The following MEDAG variants were observed in gnomAD, a reference collection of about 807,000 sequenced individuals.
MEDAG encodes the protein mesenteric estrogen dependent adipogenesis, also known as mesenteric estrogen-dependent adipogenesis protein.
Under a neutral mutation model 29.9 loss-of-function variants are expected in MEDAG, and 25 were observed. That is an observed-to-expected ratio of 0.84 (90% CI 0.61 to 1.17). The LOEUF (loss-of-function observed/expected upper bound fraction) is 1.17, where lower values mean the gene tolerates loss of function less well. MEDAG is among the 50% of genes most tolerant of loss of function. The probability of loss-of-function intolerance (pLI) is 0.00; values close to 1 mark genes in which losing one functional copy is unlikely to be tolerated. For synonymous variants in MEDAG, 158 were observed against 148.2 expected, an observed-to-expected ratio of 1.07 and a Z score of -0.48; for missense variants, 398 against 372.9, an observed-to-expected ratio of 1.07 and a Z score of -0.56.
chr13:30,910,332 GAATAAA>G (rs1253193270), intron 1 of MEDAG, among the ~76,000 whole-genome samples: 1 of 152,112 alleles, frequency 6.6e-6, no homozygotes, highest in Non-Finnish European at 1.5e-5. Flanking sequence ...GCTGCCTGGA[GAATAAA>G]AATAAATACA....
intron 1 of MEDAG, chr13:30,909,013 C>G (rs1952856092): frequency 6.7e-6 from 1 of 149,372 alleles, no homozygotes; most frequent in Non-Finnish European, 1.5e-5. Context: ...GCTCAGGAGG[C>G]CGAGGTGGGA....
intron 1 of MEDAG, among the ~76,000 whole-genome samples, chr13:30,915,173 G>A (rs913852036): frequency 2.0e-5 from 3 of 151,776 alleles, no homozygotes; most frequent in Middle Eastern, 6.8e-3. Context: ...CACCCCCCAC[G>A]TAACAACATA....
chr13:30,920,875 T>A (rs1240719526), intron 2 of MEDAG, 139 bp from the exon 3 acceptor site: 1 of 684,922 alleles, frequency 1.5e-6, no homozygotes, highest in Non-Finnish European at 2.5e-6. Flanking sequence ...TGTAGTAAGG[T>A]TGTGAGGGAG....
At position 30,925,417 on chromosome 13, in the gene MEDAG, T is replaced by C. The variant is rs1953032287; in HGVS notation, c.*982T>C. The C allele has an allele frequency of 6.6e-6, 1 of 152,224 alleles. No homozygotes were observed. Among genetic ancestry groups the C allele is most frequent in the South Asian group, 2.1e-4 (1 of 4,832 alleles). The allele number at this position is 152,224 out of a possible 1,614,324, so 9.4% of individuals were successfully genotyped here. ...GAGTTATGGGTCCTGAGTGTAATTT[T>C]TTATCCTTTCTTAAAAAGTTTCTGT... On this transcript the variant is annotated 3_prime_UTR_variant, in exon 5 of 5. Transcript: ENST00000380482.
At chr13:30,921,249 G>C in intron 3 of MEDAG, 123 bp downstream of exon 3, 1 of 784,066 alleles carries the variant, frequency 1.3e-6, no homozygotes, top group South Asian at 1.9e-5. Context: ...AGAAAACAAA[G>C]TGCATTCAGA....
intron 4 of MEDAG, 120 bp from the exon 5 acceptor site, chr13:30,924,191 G>A: frequency 9.5e-7 from 1 of 1,054,262 alleles, no homozygotes; most frequent in Non-Finnish European, 1.3e-6. Context: ...ATTTTTCTGA[G>A]GAAGCCAGGA....
At chr13:30,916,757 C>A (rs1952933358) in intron 1 of MEDAG, 1 of 152,262 alleles carries the variant, frequency 6.6e-6, no homozygotes. Context: ...ATGACAGAGT[C>A]AGGATTCAGA....
intron 4 of MEDAG, 149 bp downstream of exon 4, chr13:30,921,995 T>A: frequency 2.4e-6 from 2 of 825,622 alleles, no homozygotes; most frequent in East Asian, 5.6e-5. Flanking sequence ...AAGTGGGGCA[T>A]GTTTATTACC....
rs1953029606 is a variant in MEDAG at position 30,925,153 on chromosome 13, G to C, written c.*718G>C. 6.6e-6 allele frequency: 1 copy of C among 152,018 alleles called. No homozygotes were observed. 9.4% of individuals were successfully genotyped at this position (152,018 alleles called of 1,614,324 possible). A position where few individuals can be genotyped will look rare whatever the true frequency, so the allele number is the denominator to read the frequency against. On this transcript the variant is annotated 3_prime_UTR_variant, in exon 5 of 5. Transcript: ENST00000380482. ...GAGATATGGTACCGAACAATGACAG[G>C]GGAAGGGTATTGGACACGGCAGCGT... is the stretch of plus-strand genomic sequence containing the variant.
rs1195519200 is a variant in MEDAG, at chr13:30,925,466, T to C, written c.*1031T>C. 1 of 152,228 alleles carries C rather than the reference T, an allele frequency of 6.6e-6. No individual in the cohort carries two copies. The highest frequency in any genetic ancestry group is 2.4e-5 in the African/African-American group (1 of 41,448). The allele number at this position is 152,228 out of a possible 1,614,324, so 9.4% of individuals were successfully genotyped here. ...GTATTATGCATTTTGATAACACTAC[T>C]GATGATCCTTCCACTTATATTTGAA... On this transcript the variant is annotated 3_prime_UTR_variant, in exon 5 of 5. Coordinates refer to ENST00000380482, the MANE Select transcript of MEDAG (RefSeq NM_032849.4).
chr13:30,914,858 G>A (rs185367292), intron 1 of MEDAG, among the ~76,000 whole-genome samples: 2 of 152,202 alleles, frequency 1.3e-5, no homozygotes, highest in East Asian at 1.9e-4. Flanking sequence ...CAGATTTCTG[G>A]GTGCATTGTA....
chr13:30,919,432 C>T lies in MEDAG; in HGVS notation c.389-1582C>T, dbSNP rs115735828. Among the ~76,000 whole-genome samples the T allele has an allele frequency of 2.6e-3, 391 of 152,292 alleles. 3 individuals are homozygous for T. The highest frequency in any genetic ancestry group is 9.0e-3 in the African/African-American group (376 of 41,574). ...GAGTTAGGCAGTGTACAACCTGCCC[C>T]ATCAGCACAACTGTGGAGTGTTGTG... is the stretch of plus-strand genomic sequence containing the variant. On this transcript the variant is annotated intron_variant, in intron 2 of 4. Transcript: ENST00000380482.
At chr13:30,914,208 G>C (rs780240525) in intron 1 of MEDAG, among the ~76,000 whole-genome samples, 13 of 152,188 alleles carry the variant, frequency 8.5e-5, no homozygotes, top group Non-Finnish European at 1.6e-4. Flanking sequence ...TTTAGTGAAT[G>C]CTCACATTTA....
rs1344827941 is a variant in MEDAG, at chr13:30,906,512, G to A, written c.-4G>A. On this transcript the variant is annotated 5_prime_UTR_variant, in exon 1 of 5. Transcript: ENST00000380482. ...CAGGCGGTGTGAGGACCGACGACGC[G>A]GGCATGGCGGGGGCGGCCTGCGAGC... 2.7e-6 allele frequency: 4 copies of A among 1,509,084 alleles called. No individual in the cohort carries two copies. The highest frequency in any genetic ancestry group is 3.5e-6 in the Non-Finnish European group (4 of 1,136,284). The allele number at this position is 1,509,084 out of a possible 1,614,324, so 93.5% of individuals were successfully genotyped here.
chr13:30,915,853 C>G lies in MEDAG; in HGVS notation c.279-1550C>G, dbSNP rs549073283. On this transcript the variant is annotated intron_variant, in intron 1 of 4. Transcript: ENST00000380482. ...GCGCCCCTCCTCCATTCCCATCGTC[C>G]TCTCCTCTACTCCTGCCATCCTCAC... Among the ~76,000 whole-genome samples the G allele has an allele frequency of 2.0e-5, 3 of 152,174 alleles. No homozygotes were observed. The South Asian group carries it at 6.2e-4, about 32-fold the overall frequency.
intron 4 of MEDAG, among the ~76,000 whole-genome samples, chr13:30,923,204 A>G (rs745917963): frequency 6.6e-6 from 1 of 152,120 alleles, no homozygotes; most frequent in Non-Finnish European, 1.5e-5. Flanking sequence ...TACAGGTGTG[A>G]GCCACCACGC....
chr13:30,922,010 A>T, intron 4 of MEDAG, 164 bp downstream of exon 4: 1 of 713,430 alleles, frequency 1.4e-6, no homozygotes, highest in Non-Finnish European at 2.2e-6. Flanking sequence ...ATTACCAAAA[A>T]CAAATGCAGT....
At position 30,906,388 on chromosome 13, in the gene MEDAG, C is replaced by T. The variant is rs1189341582; in HGVS notation, c.-128C>T. 31 of 1,037,178 alleles carry T rather than the reference C, an allele frequency of 3.0e-5. No individual in the cohort carries two copies. Among genetic ancestry groups the T allele is most frequent in the Non-Finnish European group, 3.7e-5 (29 of 786,972 alleles). 64.2% of individuals were successfully genotyped at this position (1,037,178 alleles called of 1,614,324 possible). ...CGTCCCGGCCAGGCGGGCAGACCGA[C>T]CCCCTCCTCACCTCGCGCGCGGCTG... On this transcript the variant is annotated 5_prime_UTR_variant, in exon 1 of 5. Coordinates refer to ENST00000380482, the MANE Select transcript of MEDAG (RefSeq NM_032849.4).
chr13:30,906,830 G>T (rs1481419751), intron 1 of MEDAG, 37 bp downstream of exon 1: 2 of 1,425,730 alleles, frequency 1.4e-6, no homozygotes, highest in African/African-American at 3.0e-5. Context: ...CCCGTCGCCT[G>T]GTACCCGCAG....
Sources: gnomAD v4.1 joint callset for allele counts (sites outside exome capture counted in the v4.1 genomes callset) on GRCh38, gnomAD v4.1.1 for gene constraint, MANE v1.5 for transcripts, NCBI Gene and HGNC (gene_info 2026-07-23, HGNC 2026-07-21) for gene names.